HMBOX1: variants seen among roughly 807,000 people sequenced by gnomAD.
HMBOX1 encodes homeobox containing 1, also known as homeobox-containing protein 1.
Under a neutral mutation model 54.5 loss-of-function variants are expected in HMBOX1, and 14 were observed. The observed-to-expected ratio is 0.26, with a 90% CI of 0.17 to 0.40. HMBOX1 has a LOEUF of 0.40. Ranked by LOEUF, HMBOX1 falls within the 10% of genes least tolerant of loss-of-function variation. The pLI is 1.00. For synonymous variants in HMBOX1, 160 were observed against 181.0 expected, an observed-to-expected ratio of 0.88 and a Z score of 0.93; for missense variants, 332 against 514.4, an observed-to-expected ratio of 0.65 and a Z score of 3.43.
intron 3 of HMBOX1, among the ~76,000 whole-genome samples, chr8:28,975,546 G>A (rs1249248740): frequency 6.6e-6 from 1 of 152,156 alleles, no homozygotes; most frequent in Non-Finnish European, 1.5e-5. Context: ...TCATCCTGGT[G>A]TGGAAATCAC....
intron 3 of HMBOX1, among the ~76,000 whole-genome samples, chr8:28,976,644 C>T: frequency 6.6e-6 from 1 of 151,524 alleles, no homozygotes; most frequent in East Asian, 1.9e-4. Flanking sequence ...TTTTGTTTTG[C>T]TTTTTGATAA....
chr8:29,000,506 A>G (rs1340377402), intron 4 of HMBOX1, among the ~76,000 whole-genome samples: 1 of 152,212 alleles, frequency 6.6e-6, no homozygotes, highest in Non-Finnish European at 1.5e-5. Context: ...CTTCTTGTTC[A>G]CATCAGTTGT....
intron 1 of HMBOX1, among the ~76,000 whole-genome samples, chr8:28,902,738 C>T (rs1279135763): frequency 6.7e-6 from 1 of 148,680 alleles, no homozygotes; most frequent in Non-Finnish European, 1.5e-5. Context: ...GGATTACTTC[C>T]AGAGCATTCT....
chr8:28,897,666 A>G (rs1275877506), intron 1 of HMBOX1, among the ~76,000 whole-genome samples: 1 of 152,222 alleles, frequency 6.6e-6, no homozygotes, highest in Non-Finnish European at 1.5e-5. Context: ...ACAGAGCGAG[A>G]CTCTATCTCA....
chr8:28,894,163 A>G (rs760841947), intron 1 of HMBOX1, among the ~76,000 whole-genome samples: 9 of 152,212 alleles, frequency 5.9e-5, no homozygotes, highest in Non-Finnish European at 1.0e-4. Flanking sequence ...TTTTTCTGTT[A>G]ACAGTTGGCT....
chr8:28,942,261 G>T (rs1821579894), intron 1 of HMBOX1, among the ~76,000 whole-genome samples: 1 of 152,172 alleles, frequency 6.6e-6, no homozygotes. Context: ...CTAGGTTCTT[G>T]CTGAAATCTC....
At chr8:28,926,718 C>T (rs1818582876) in intron 1 of HMBOX1, among the ~76,000 whole-genome samples, 1 of 152,122 alleles carries the variant, frequency 6.6e-6, no homozygotes, top group African/African-American at 2.4e-5. Flanking sequence ...CAAGTGTATA[C>T]CACCATGCCT....
chr8:28,919,194 C>T (rs1817114824), intron 1 of HMBOX1, among the ~76,000 whole-genome samples: 1 of 152,152 alleles, frequency 6.6e-6, no homozygotes, highest in Non-Finnish European at 1.5e-5. Context: ...TCCAGGACTC[C>T]CTTTGGCTAC....
At chr8:29,050,702 T>C (rs1006835425) in intron 9 of HMBOX1, 1 of 281,382 alleles carries the variant, frequency 3.6e-6, no homozygotes, top group Non-Finnish European at 6.7e-6. Context: ...AAGATCCAAA[T>C]TGTTGGTTTT....
chr8:29,041,199 C>G (rs750596899), intron 6 of HMBOX1, among the ~76,000 whole-genome samples: 19 of 152,208 alleles, frequency 1.2e-4, no homozygotes, highest in Non-Finnish European at 2.4e-4. Context: ...TTTCTTATTT[C>G]TCCAAGAAAA....
At chr8:28,954,684 A>G (rs1824080197) in intron 1 of HMBOX1, among the ~76,000 whole-genome samples, 1 of 152,204 alleles carries the variant, frequency 6.6e-6, no homozygotes, top group Admixed American at 6.5e-5. Context: ...GTCATAACTT[A>G]AAATGTATAT....
In HMBOX1 at chr8:28,951,136, T is replaced by C. The variant is rs117593881; in HGVS notation, c.-57-12675T>C. Among the ~76,000 whole-genome samples, 24 of 152,322 alleles carry C rather than the reference T, an allele frequency of 1.6e-4. No individual in the cohort carries two copies. The East Asian group carries it at 4.4e-3, about 28-fold the overall frequency. On this transcript the variant is annotated intron_variant, in intron 1 of 9. Transcript: ENST00000287701. ...AGTGCCTGTTACGTTCCAGATAATATTTTATTTATGTTTTTTGAGCAGAGT... is the reference window on the plus strand; with the variant it reads ...AGTGCCTGTTACGTTCCAGATAATACTTTATTTATGTTTTTTGAGCAGAGT...
intron 1 of HMBOX1, among the ~76,000 whole-genome samples, chr8:28,948,002 A>T (rs1296198046): frequency 1.3e-5 from 2 of 152,124 alleles, no homozygotes; most frequent in Non-Finnish European, 2.9e-5. Flanking sequence ...TGCTCACTAC[A>T]GCCTCTATCT....
intron 1 of HMBOX1, among the ~76,000 whole-genome samples, chr8:28,933,499 C>T (rs1260198719): frequency 6.6e-6 from 1 of 152,106 alleles, no homozygotes; most frequent in Admixed American, 6.5e-5. Flanking sequence ...AATCAGTGAA[C>T]CTCCCAAAGC....
chr8:28,974,516 A>C (rs1242598852), intron 3 of HMBOX1, among the ~76,000 whole-genome samples: 2 of 152,180 alleles, frequency 1.3e-5, no homozygotes, highest in East Asian at 3.8e-4. Context: ...CAACCCATGT[A>C]CTAAATTTTA....
intron 1 of HMBOX1, among the ~76,000 whole-genome samples, chr8:28,905,264 A>T (rs1455397448): frequency 6.6e-6 from 1 of 152,224 alleles, no homozygotes; most frequent in Non-Finnish European, 1.5e-5. Flanking sequence ...AATTGTTTTC[A>T]AAGTGAGTTC....
intron 4 of HMBOX1, among the ~76,000 whole-genome samples, chr8:28,989,645 A>G (rs1467680920): frequency 1.3e-5 from 2 of 152,130 alleles, no homozygotes; most frequent in African/African-American, 4.8e-5. Flanking sequence ...ATTCCTCCCA[A>G]TGTTGTTTTT....
chr8:28,893,209 T>A (rs1283780215), intron 1 of HMBOX1, among the ~76,000 whole-genome samples: 2 of 152,132 alleles, frequency 1.3e-5, no homozygotes, highest in Non-Finnish European at 2.9e-5. Context: ...TTGGGGGTGA[T>A]TCTGTTGCAT....
At chr8:29,046,933 A>C (rs1016619163) in intron 7 of HMBOX1, among the ~76,000 whole-genome samples, 1 of 152,180 alleles carries the variant, frequency 6.6e-6, no homozygotes, top group African/African-American at 2.4e-5. Context: ...AGTGAGCTAT[A>C]ATTGCACCAC....
Sources: gnomAD v4.1 joint callset for allele counts (sites outside exome capture counted in the v4.1 genomes callset) on GRCh38, gnomAD v4.1.1 for gene constraint, MANE v1.5 for transcripts, NCBI Gene and HGNC (gene_info 2026-07-23, HGNC 2026-07-21) for gene names.